The following ACACA variants were observed in gnomAD, a reference collection of about 807,000 sequenced individuals.
The protein encoded by ACACA is acetyl-CoA carboxylase 1.
Under a neutral mutation model 296.1 loss-of-function variants are expected in ACACA, and 103 were observed. That is an observed-to-expected ratio of 0.35 (90% CI 0.30 to 0.41). ACACA has a LOEUF of 0.41. Among genes scored for constraint, ACACA ranks in the 10% least tolerant of loss-of-function variants. The probability of loss-of-function intolerance (pLI) is 1.00; values close to 1 mark genes in which losing one functional copy is unlikely to be tolerated. For missense variants in ACACA, 1,554 were observed against 2,989.7 expected (o/e 0.52, Z 11.20); for synonymous variants, 953 against 1,038.6 (o/e 0.92, Z 1.58).
intron 3 of ACACA, among the ~76,000 whole-genome samples, chr17:37,315,310 T>C (rs2047039004): frequency 6.6e-6 from 1 of 152,206 alleles, no homozygotes; most frequent in Non-Finnish European, 1.5e-5. Context: ...AACCTAAACA[T>C]TGTTTTCCAT....
At chr17:37,102,064 C>T (rs1340828627) in intron 52 of ACACA, among the ~76,000 whole-genome samples, 6 of 152,166 alleles carry the variant, frequency 3.9e-5, no homozygotes, top group African/African-American at 7.2e-5. Context: ...AACGTTACTG[C>T]GTGCTTTCCC....
intron 3 of ACACA, among the ~76,000 whole-genome samples, chr17:37,304,257 A>G (rs1343416777): frequency 6.6e-6 from 1 of 152,086 alleles, no homozygotes; most frequent in African/African-American, 2.4e-5. Context: ...GCTGGAATGC[A>G]GTGGTGCAAA....
Position 37,246,942 on chromosome 17 carries a change from A to G in ACACA, c.2344T>C (p.Phe782Leu). Residue 782 changes from phenylalanine (F) to leucine (L), a missense_variant, in exon 19 of 56, where the codon TTT becomes CTT. By Grantham distance (22) the Phe-to-Leu change is conservative. Coordinates refer to ENST00000616317, the MANE Select transcript of ACACA (RefSeq NM_198834.3). ...ACCGATGGGTCATTTTCCTTCTCAA[A>G]CACACAGGTTTTATTGCCAATTGTG... is the stretch of plus-strand genomic sequence containing the variant. ...RITIGNKTCV[F>L]EKENDPSVMR... 1.2e-6 allele frequency: 2 copies of G among 1,614,068 alleles called. No individual in the cohort carries two copies. The highest frequency in any genetic ancestry group is 1.7e-6 in the Non-Finnish European group (2 of 1,179,980).
intron 52 of ACACA, among the ~76,000 whole-genome samples, chr17:37,100,454 A>G (rs774233730): frequency 6.6e-6 from 1 of 152,148 alleles, no homozygotes; most frequent in Non-Finnish European, 1.5e-5. Context: ...CAGAATCGAA[A>G]TCTAACCACA....
chr17:37,216,206 GTGTA>G (rs1245599836), intron 29 of ACACA, among the ~76,000 whole-genome samples: 3 of 146,092 alleles, frequency 2.1e-5, no homozygotes, highest in Non-Finnish European at 4.4e-5. Flanking sequence ...GTGTGTGTGT[GTGTA>G]TATATATATA....
intron 1 of ACACA, among the ~76,000 whole-genome samples, chr17:37,394,834 A>C (rs1407563765): frequency 6.6e-6 from 1 of 151,444 alleles, no homozygotes; most frequent in Non-Finnish European, 1.5e-5. Flanking sequence ...GCTTGCAGTG[A>C]GCCGAGATTG....
chr17:37,396,304 C>A (rs1041491435), intron 1 of ACACA, among the ~76,000 whole-genome samples: 6 of 146,634 alleles, frequency 4.1e-5, no homozygotes, highest in African/African-American at 1.5e-4. Flanking sequence ...GGTGACACTG[C>A]ACTCCAGTCT....
At chr17:37,240,906 T>A (rs1382685447) in intron 23 of ACACA, among the ~76,000 whole-genome samples, 2 of 152,170 alleles carry the variant, frequency 1.3e-5, no homozygotes, top group Admixed American at 1.3e-4. Flanking sequence ...AAAAGTGTTC[T>A]GTGAGGCCGG....
At position 37,243,446 on chromosome 17, in the gene ACACA, C is replaced by T. The variant is rs2080519528; in HGVS notation, c.2856G>A (p.Glu952=). The T allele has an allele frequency of 1.2e-6, 2 of 1,614,160 alleles. No individual in the cohort carries two copies. The highest frequency in any genetic ancestry group is 1.7e-6 in the Non-Finnish European group (2 of 1,180,020). Residue 952 remains glutamate (E), a synonymous_variant, in exon 22 of 56, where the codon GAG becomes GAA. Transcript: ENST00000616317. The stretch of plus-strand genomic sequence containing the variant: ...GAGCCATTTCCTTCTTGATAGACTT[C>T]TCCACATTGGGGGGAATGCGGCCAG... ...SVSGRIPPNV[E]KSIKKEMAQY...
At chr17:37,168,664 T>C (rs1446001034) in intron 41 of ACACA, among the ~76,000 whole-genome samples, 2 of 152,086 alleles carry the variant, frequency 1.3e-5, no homozygotes, top group Non-Finnish European at 1.5e-5. Context: ...TGTATGAAAA[T>C]TAAAAATCAA....
intron 22 of ACACA, among the ~76,000 whole-genome samples, chr17:37,242,979 G>A (rs1391868184): frequency 1.3e-5 from 2 of 151,200 alleles, no homozygotes; most frequent in African/African-American, 4.9e-5. Flanking sequence ...GGGTTGCAGT[G>A]AGCCGAGATC....
At chr17:37,345,944 G>C (rs1466824228) in intron 1 of ACACA, among the ~76,000 whole-genome samples, 1 of 152,118 alleles carries the variant, frequency 6.6e-6, no homozygotes. Context: ...CCAGCATGGT[G>C]GCTCATGCCT....
At chr17:37,247,956 A>G in intron 18 of ACACA, 55 bp downstream of exon 18, 2 of 1,610,842 alleles carry the variant, frequency 1.2e-6, no homozygotes, top group Non-Finnish European at 1.7e-6. Flanking sequence ...CTAGTAGCTA[A>G]TAAGAGAAAA....
chr17:37,252,786 ATT>A, intron 15 of ACACA, 98 bp downstream of exon 15: 1 of 1,511,842 alleles, frequency 6.6e-7, no homozygotes, highest in Non-Finnish European at 9.1e-7. Flanking sequence ...ATCAAGAACC[ATT>A]TACATTAGAA....
chr17:37,294,261 G>A (rs1213490692), intron 3 of ACACA, among the ~76,000 whole-genome samples: 1 of 152,186 alleles, frequency 6.6e-6, no homozygotes, highest in Non-Finnish European at 1.5e-5. Context: ...AATGTATTCT[G>A]ACAATTCTGA....
intron 1 of ACACA, among the ~76,000 whole-genome samples, chr17:37,395,106 C>G (rs1429172451): frequency 6.6e-6 from 1 of 151,778 alleles, no homozygotes; most frequent in Non-Finnish European, 1.5e-5. Context: ...AAGACACATA[C>G]AAAACTTCAT....
chr17:37,121,498 GA>G lies in ACACA; in HGVS notation c.6139-9del, dbSNP rs766702225. On this transcript the variant is annotated splice_polypyrimidine_tract_variant and intron_variant, in intron 49 of 55. Transcript: ENST00000616317. Reference sequence around the variant, plus strand: ...GCCAGCCTGCTGGATTATCTATTAGGAAAAGTCAAAGAAGACACAATTAACA... The same window carrying G: ...GCCAGCCTGCTGGATTATCTATTAGGAAAGTCAAAGAAGACACAATTAACA... The G allele has an allele frequency of 6.2e-7, 1 of 1,614,056 alleles. No homozygotes were observed. The highest frequency in any genetic ancestry group is 2.2e-5 in the East Asian group (1 of 44,876).
intron 52 of ACACA, among the ~76,000 whole-genome samples, chr17:37,106,755 C>T (rs1474643558): frequency 6.6e-6 from 1 of 152,182 alleles, no homozygotes; most frequent in Non-Finnish European, 1.5e-5. Flanking sequence ...ATACGGGGAT[C>T]TGGTCATTTG....
At chr17:37,177,039 C>T (rs1409273177) in intron 41 of ACACA, among the ~76,000 whole-genome samples, 1 of 151,974 alleles carries the variant, frequency 6.6e-6, no homozygotes, top group Non-Finnish European at 1.5e-5. Context: ...AACTGTAGAA[C>T]AAGAAGAAAG....
Sources: allele counts gnomAD v4.1 joint callset (sites outside exome capture counted in the v4.1 genomes callset), GRCh38; gene constraint gnomAD v4.1.1; transcripts MANE v1.5; gene names NCBI Gene and HGNC (gene_info 2026-07-23, HGNC 2026-07-21).